The following GALNT6 variants were observed in gnomAD, a reference collection of about 807,000 sequenced individuals.
The protein encoded by GALNT6 is GalNAc transferase 6.
A neutral mutation model predicts 65.9 loss-of-function variants in GALNT6; 51 were observed. The observed-to-expected ratio is 0.77, with a 90% confidence interval of 0.62 to 0.98. GALNT6 has a LOEUF of 0.98. GALNT6 is among the 50% of genes least tolerant of loss of function. The pLI is 0.00. For synonymous variants in GALNT6, 323 were observed against 315.1 expected (o/e 1.02, Z -0.26); for missense variants, 708 against 803.3 (o/e 0.88, Z 1.43).
chr12:51,383,940 G>A (rs979781020), intron 2 of GALNT6, among the ~76,000 whole-genome samples: 2 of 152,128 alleles, frequency 1.3e-5, no homozygotes, highest in Non-Finnish European at 2.9e-5. Context: ...AAGAATAGCT[G>A]CTATTCTTTG....
intron 10 of GALNT6, among the ~76,000 whole-genome samples, chr12:51,357,047 G>T (rs1369216776): frequency 1.3e-5 from 2 of 152,138 alleles, no homozygotes; most frequent in African/African-American, 4.8e-5. Flanking sequence ...CAGGTGATGG[G>T]ATGTGCTGGA....
At chr12:51,379,176 T>C in intron 3 of GALNT6, 115 bp downstream of exon 3, 1 of 1,019,290 alleles carries the variant, frequency 9.8e-7, no homozygotes, top group South Asian at 2.0e-5. Context: ...TCCTTGCCCA[T>C]ATTATAAAAT....
chr12:51,377,137 C>G, intron 4 of GALNT6, 58 bp downstream of exon 4: 1 of 1,491,638 alleles, frequency 6.7e-7, no homozygotes, highest in Non-Finnish European at 9.3e-7. Flanking sequence ...AACTGCCCTC[C>G]TCCTTTGAGT....
rs1443639757 is a variant in GALNT6, at chr12:51,379,591, AG to A, written c.190del (p.Arg65GlufsTer21). ...LDLMLEAMNN[L>X]RDSMPKLQIR... is the part of the protein sequence containing the mutation. ...TTGGAGCTTGGGCATTGAATCTCTA[AG>A]GTTGTTCATGGCCTCCAGCATGAGG... On this transcript the variant is annotated frameshift_variant, in exon 3 of 12. Transcript: ENST00000356317. LOFTEE classifies it high-confidence loss of function. 2.5e-6 allele frequency: 4 copies of A among 1,614,008 alleles called. No homozygotes were observed. The South Asian group carries it at 4.4e-5, about 18-fold the overall frequency.
At position 51,354,430 on chromosome 12, in the gene GALNT6, G is replaced by A. The variant is rs778403220; in HGVS notation, c.1818C>T (p.Ala606=). The change falls in exon 12 of 12, where the codon GCC becomes GCT. Residue 606 remains alanine, a synonymous_variant. Coordinates refer to ENST00000356317, the MANE Select transcript of GALNT6 (RefSeq NM_007210.4). The part of the protein sequence containing the change: ...TCLTSQDKKP[A]MAPCNPSDPH... Reference sequence around the variant, plus strand: ...GGTCACTGGGATTGCAGGGGGCCATGGCTGGCTTTTTGTCCTGGGATGTCA... The same window carrying A: ...GGTCACTGGGATTGCAGGGGGCCATAGCTGGCTTTTTGTCCTGGGATGTCA... 1.6e-5 allele frequency: 26 copies of A among 1,592,592 alleles called. No individual in the cohort carries two copies. In the Admixed American group the frequency reaches 4.0e-4, roughly 24 times the overall value.
At chr12:51,360,904 AG>A (rs1946905480) in intron 6 of GALNT6, 66 bp from the exon 7 acceptor site, 1 of 1,117,828 alleles carries the variant, frequency 8.9e-7, no homozygotes, top group Admixed American at 1.8e-5. Flanking sequence ...TGGCGGGGAA[AG>A]CTGTTTGTGG....
chr12:51,364,091 G>T (rs1263171688), intron 6 of GALNT6, 30 bp downstream of exon 6: 30 of 1,512,424 alleles, frequency 2.0e-5, no homozygotes, highest in Non-Finnish European at 2.5e-5. Flanking sequence ...CTGGGGCCAG[G>T]TTGGGGGCTC....
At chr12:51,364,754 TAGA>T (rs1352959774) in intron 5 of GALNT6, among the ~76,000 whole-genome samples, 2 of 152,352 alleles carry the variant, frequency 1.3e-5, no homozygotes, top group Non-Finnish European at 2.9e-5. Flanking sequence ...GCCCTAATTG[TAGA>T]AGAATAATCT....
At chr12:51,361,063 GGC>G (rs1383985484) in intron 6 of GALNT6, among the ~76,000 whole-genome samples, 3 of 152,300 alleles carry the variant, frequency 2.0e-5, no homozygotes, top group African/African-American at 7.2e-5. Context: ...TCCTCTAAAA[GGC>G]ACTCATTCAT....
chr12:51,360,907 T>C (rs909698042), intron 6 of GALNT6, 69 bp from the exon 7 acceptor site: 7 of 1,053,742 alleles, frequency 6.6e-6, no homozygotes, highest in Non-Finnish European at 8.8e-6. Flanking sequence ...CGGGGAAAGC[T>C]GTTTGTGGAC....
chr12:51,379,953 G>T, intron 2 of GALNT6, 69 bp from the exon 3 acceptor site: 1 of 662,100 alleles, frequency 1.5e-6, no homozygotes, highest in Non-Finnish European at 2.5e-6. Flanking sequence ...GGTGCTTGGG[G>T]TTCGAGGCCA....
chr12:51,377,154 G>T, intron 4 of GALNT6, 41 bp downstream of exon 4: 1 of 1,587,382 alleles, frequency 6.3e-7, no homozygotes, highest in African/African-American at 1.3e-5. Context: ...GAGTGCCCAG[G>T]GGAGACCCCG....
chr12:51,364,199 T>C lies in GALNT6; in HGVS notation c.971A>G (p.Asp324Gly), dbSNP rs1565717595. Residue 324 changes from aspartate to glycine, a missense_variant, in exon 6 of 12, where the codon GAC (aspartate) becomes GGC (glycine). Physicochemically the swap from Asp to Gly is moderately conservative, Grantham distance 94 (BLOSUM62 -1). Transcript: ENST00000356317. ...TTCCCAGCCGAAGGTCAGGCTCCAG[T>C]CAAAGTTGCCTCGGCTATGGACTCT... ...RGRVHSRGNFDWSLTFGWETL... is the reference protein window; with the variant it reads ...RGRVHSRGNFGWSLTFGWETL... 6.2e-7 allele frequency: 1 copy of C among 1,614,140 alleles called. No individual in the cohort carries two copies. Among genetic ancestry groups the C allele is most frequent in the Non-Finnish European group, 8.5e-7 (1 of 1,180,004 alleles).
chr12:51,376,969 T>C (rs1050916737), intron 4 of GALNT6, among the ~76,000 whole-genome samples: 9 of 152,190 alleles, frequency 5.9e-5, no homozygotes, highest in African/African-American at 2.2e-4. Flanking sequence ...CAGGGAGTCT[T>C]GAAGCCAGAG....
In GALNT6 at chr12:51,364,295, A is replaced by G. The variant is rs1198225354; in HGVS notation, c.875T>C (p.Val292Ala). 1 of 1,614,152 alleles carries G rather than the reference A, an allele frequency of 6.2e-7. No homozygotes were observed. The highest frequency in any genetic ancestry group is 8.5e-7 in the Non-Finnish European group (1 of 1,180,008). The stretch of plus-strand genomic sequence containing the variant: ...GGTGACGATGTCTGGGCTCACCACC[A>G]CTGTCTTGTCCTCAGCGATTCGAGC... ...LLARIAEDKTVVVSPDIVTID... is the reference protein window; with the variant it reads ...LLARIAEDKTAVVSPDIVTID... The change falls in exon 6 of 12, where the codon GTG becomes GCG. Residue 292 changes from valine to alanine, a missense_variant. Coordinates refer to ENST00000356317, the MANE Select transcript of GALNT6 (RefSeq NM_007210.4).
chr12:51,358,109 A>C, intron 9 of GALNT6, 21 bp downstream of exon 9: 1 of 1,607,922 alleles, frequency 6.2e-7, no homozygotes. Context: ...ATGGGCAGGC[A>C]GGTTGGTTCT....
chr12:51,386,481 G>C lies in GALNT6; in HGVS notation c.-104+4369C>G, dbSNP rs1250076549. On this transcript the variant is annotated intron_variant, in intron 2 of 11. Transcript: ENST00000356317. ...TTAGCTTTTGTGAATGTCAGAGTCA[G>C]CCATCCAGAACATGCCCTAGCTTTC... Among the ~76,000 whole-genome samples, 129 of 152,228 alleles carry C rather than the reference G, an allele frequency of 8.5e-4. 2 individuals are homozygous for C. The highest frequency in any genetic ancestry group is 5.9e-5 in the Non-Finnish European group (4 of 68,044).
intron 2 of GALNT6, among the ~76,000 whole-genome samples, chr12:51,380,537 A>G (rs1947629996): frequency 6.6e-6 from 1 of 152,246 alleles, no homozygotes; most frequent in Non-Finnish European, 1.5e-5. Context: ...AAATTAAACA[A>G]TATCTTGTTC....
In GALNT6 at chr12:51,379,807, C is replaced by G. The variant is rs1165805398; in HGVS notation, c.-26G>C. The stretch of plus-strand genomic sequence containing the variant: ...CCTCCAGAACCAAGGGGCACCCCAG[C>G]TGCGTCAGCTCTGAGTCCTGAGCCC... On this transcript the variant is annotated 5_prime_UTR_variant, in exon 3 of 12. Coordinates refer to ENST00000356317, the MANE Select transcript of GALNT6 (RefSeq NM_007210.4). 1 of 1,580,884 alleles carries G rather than the reference C, an allele frequency of 6.3e-7. No homozygotes were observed. Among genetic ancestry groups the G allele is most frequent in the Non-Finnish European group, 8.6e-7 (1 of 1,168,038 alleles).
Sources: allele counts gnomAD v4.1 joint callset (sites outside exome capture counted in the v4.1 genomes callset), GRCh38; gene constraint gnomAD v4.1.1; transcripts MANE v1.5; gene names NCBI Gene and HGNC (gene_info 2026-07-23, HGNC 2026-07-21).